GOLPH3L: variants seen among roughly 807,000 people sequenced by gnomAD.
GOLPH3L encodes Golgi phosphoprotein 3-like.
Under a neutral mutation model 30.3 loss-of-function variants are expected in GOLPH3L, and 22 were observed. That is an observed-to-expected ratio of 0.73 (90% CI 0.52 to 1.04). The LOEUF (loss-of-function observed/expected upper bound fraction) is 1.04. Among genes scored for constraint, GOLPH3L ranks in the 50% least tolerant of loss-of-function variants. The pLI is 0.00. For missense variants in GOLPH3L, 303 were observed against 345.8 expected (o/e 0.88, Z 0.98); for synonymous variants, 120 against 128.2 (o/e 0.94, Z 0.43).
intron 1 of GOLPH3L, among the ~76,000 whole-genome samples, chr1:150,695,690 T>C (rs1372263193): frequency 6.6e-6 from 1 of 152,212 alleles, no homozygotes; most frequent in Non-Finnish European, 1.5e-5. Flanking sequence ...ATGTTCTATA[T>C]TTCCTTCCCA....
At chr1:150,665,972 T>C (rs188178927) in intron 2 of GOLPH3L, among the ~76,000 whole-genome samples, 39 of 152,324 alleles carry the variant, frequency 2.6e-4, no homozygotes, top group African/African-American at 8.2e-4. Context: ...ACATTGAAGA[T>C]AGTATGCCCT....
chr1:150,664,174 AAAATTTTT>A (rs922826401), intron 2 of GOLPH3L, among the ~76,000 whole-genome samples: 1 of 151,666 alleles, frequency 6.6e-6, no homozygotes. Context: ...GTTTTTAAAA[AAAATTTTT>A]TTGTAGAGAC....
chr1:150,694,723 C>A lies in GOLPH3L; in HGVS notation c.116G>T (p.Gly39Val). 1 of 1,611,152 alleles carries A rather than the reference C, an allele frequency of 6.2e-7. No homozygotes were observed. Among genetic ancestry groups the A allele is most frequent in the Non-Finnish European group, 8.5e-7 (1 of 1,177,412 alleles). The stretch of plus-strand genomic sequence containing the variant: ...AGTAAGGCGGATATCCTTAGAGTCT[C>A]CAGAATCTTCATTGTCTGGACTTTT... ...WEKSPDNEDS[G>V]DSKDIRLTLM... The change falls in exon 2 of 5, where the codon GGA becomes GTA. Residue 39 changes from glycine to valine, a missense_variant. Transcript: ENST00000271732.
chr1:150,663,266 G>T (rs6661306), intron 3 of GOLPH3L, among the ~76,000 whole-genome samples: 58,447 of 151,686 alleles, frequency 0.39, 11,584 homozygotes, highest in South Asian at 0.55. Flanking sequence ...GGTCTCAATC[G>T]CCTGACCTCA....
intron 2 of GOLPH3L, among the ~76,000 whole-genome samples, chr1:150,691,226 G>A (rs1002105443): frequency 1.3e-5 from 2 of 151,704 alleles, no homozygotes; most frequent in African/African-American, 2.4e-5. Context: ...GTTTACGCCT[G>A]TAATCCCAGC....
rs752121561 is a variant in GOLPH3L at position 150,648,524 on chromosome 1, C to G, written c.655G>C (p.Asp219His). The G allele has an allele frequency of 6.2e-7, 1 of 1,613,834 alleles. No homozygotes were observed. The highest frequency in any genetic ancestry group is 8.5e-7 in the Non-Finnish European group (1 of 1,179,760). The change falls in exon 5 of 5, where the codon GAC (aspartate) becomes CAC (histidine). Residue 219 changes from aspartate (D) to histidine (H), a missense_variant. Transcript: ENST00000271732. ...ERWVNDPQRM[D>H]KRTLALLVLA... The stretch of plus-strand genomic sequence containing the variant: ...ACCAGGAGTGCTAGTGTTCGCTTGT[C>G]CATACGCTGAGGGTCATTTACCCAC...
chr1:150,695,681 T>A (rs1303257390), intron 1 of GOLPH3L, among the ~76,000 whole-genome samples: 2 of 152,164 alleles, frequency 1.3e-5, no homozygotes, highest in Non-Finnish European at 2.9e-5. Flanking sequence ...TAGAAATACA[T>A]GTTCTATATT....
chr1:150,655,465 A>G (rs1302072213), intron 4 of GOLPH3L, among the ~76,000 whole-genome samples: 2 of 152,220 alleles, frequency 1.3e-5, no homozygotes, highest in Admixed American at 1.3e-4. Context: ...CATATGATGC[A>G]TGAAATGGGG....
intron 4 of GOLPH3L, among the ~76,000 whole-genome samples, chr1:150,659,325 A>T (rs1650317995): frequency 6.6e-6 from 1 of 152,242 alleles, no homozygotes; most frequent in Admixed American, 6.5e-5. Flanking sequence ...GATGGCCTTG[A>T]TGCCCATGCT....
At position 150,662,282 on chromosome 1, in the gene GOLPH3L, C is replaced by T. The variant is rs372419576; in HGVS notation, c.316-354G>A. ...ATCTTAGCACTTTGGGAGGCTGAGG[C>T]GGGTGGATCACCTGAGCTCAGGAGT... On this transcript the variant is annotated intron_variant, in intron 3 of 4. Coordinates refer to ENST00000271732, the MANE Select transcript of GOLPH3L (RefSeq NM_018178.6). 1.7e-3 allele frequency among the ~76,000 whole-genome samples: 256 copies of T among 151,862 alleles called. 1 individual carries two copies. The Middle Eastern group carries it at 0.017, about 10-fold the overall frequency.
chr1:150,675,438 G>A (rs1461609284), intron 2 of GOLPH3L, among the ~76,000 whole-genome samples: 3 of 152,024 alleles, frequency 2.0e-5, no homozygotes, highest in Non-Finnish European at 4.4e-5. Flanking sequence ...TAAAATACAT[G>A]TATCTTCTAC....
chr1:150,677,686 C>T (rs1480888958), intron 2 of GOLPH3L, among the ~76,000 whole-genome samples: 1 of 149,906 alleles, frequency 6.7e-6, no homozygotes, highest in Non-Finnish European at 1.5e-5. Flanking sequence ...CGCTGGAGTG[C>T]ATAATCGTAG....
chr1:150,675,874 G>A (rs1650764695), intron 2 of GOLPH3L, among the ~76,000 whole-genome samples: 1 of 150,648 alleles, frequency 6.6e-6, no homozygotes, highest in Non-Finnish European at 1.5e-5. Flanking sequence ...ACTACAGGGA[G>A]TCAGTAGGAT....
chr1:150,661,766 TAA>T (rs1650371829), intron 4 of GOLPH3L, 46 bp downstream of exon 4: 2 of 867,338 alleles, frequency 2.3e-6, no homozygotes, highest in Non-Finnish European at 4.0e-6. Context: ...CAGGGTAGGA[TAA>T]AGATAACAAA....
intron 2 of GOLPH3L, among the ~76,000 whole-genome samples, chr1:150,686,566 C>G (rs1651091098): frequency 6.6e-6 from 1 of 152,164 alleles, no homozygotes; most frequent in African/African-American, 2.4e-5. Flanking sequence ...TTAACTTTGA[C>G]TCCTATAAAG....
Position 150,648,690 on chromosome 1 carries a change from G to T in GOLPH3L, c.489C>A (p.Ile163=), listed in dbSNP as rs755173649. ...QYQLRNVRER[I]AKNLVEKGIL... ...TACCTTTCTCTACTAGGTTCTTTGC[G>T]ATGCGCTCTCGTACATTTCTCAGCT... The change falls in exon 5 of 5, where the codon ATC becomes ATA. Residue 163 remains isoleucine, a synonymous_variant. Transcript: ENST00000271732. 7 of 1,612,168 alleles carry T rather than the reference G, an allele frequency of 4.3e-6. No homozygotes were observed. The highest frequency in any genetic ancestry group is 3.3e-4 in the Middle Eastern group (2 of 6,056).
intron 2 of GOLPH3L, among the ~76,000 whole-genome samples, chr1:150,689,632 C>T (rs1164858075): frequency 1.3e-5 from 2 of 151,944 alleles, no homozygotes; most frequent in Non-Finnish European, 2.9e-5. Context: ...GACAATGATA[C>T]TTAATATTTA....
At chr1:150,672,328 G>T (rs1650665461) in intron 2 of GOLPH3L, among the ~76,000 whole-genome samples, 1 of 152,112 alleles carries the variant, frequency 6.6e-6, no homozygotes, top group African/African-American at 2.4e-5. Context: ...TTAAAAGAGT[G>T]GTATTCAGGA....
rs1650456306 is a variant in GOLPH3L, at chr1:150,664,793, T to C, written c.184-1030A>G. On this transcript the variant is annotated intron_variant, in intron 2 of 4. Coordinates refer to ENST00000271732, the MANE Select transcript of GOLPH3L (RefSeq NM_018178.6). ...GATGGGAGGTATAATAGAAACCCAC[T>C]GTCATTAAGTGCCTTGGTTATGTTA... Among the ~76,000 whole-genome samples the C allele has an allele frequency of 2.0e-5, 3 of 152,164 alleles. No individual in the cohort carries two copies. The South Asian group carries it at 6.2e-4, about 32-fold the overall frequency.
Sources: allele counts gnomAD v4.1 joint callset (sites outside exome capture counted in the v4.1 genomes callset), GRCh38; gene constraint gnomAD v4.1.1; transcripts MANE v1.5; gene names NCBI Gene and HGNC (gene_info 2026-07-23, HGNC 2026-07-21).